KHDRBS2: variants seen among roughly 807,000 people sequenced by gnomAD.
KHDRBS2 encodes the protein KH RNA binding domain containing, signal transduction associated 2, also known as KH domain-containing, RNA-binding, signal transduction-associated protein 2.
Under a neutral mutation model 44.3 loss-of-function variants are expected in KHDRBS2, and 26 were observed. The observed-to-expected ratio is 0.59, with a 90% CI of 0.43 to 0.81. KHDRBS2 has a LOEUF of 0.81. KHDRBS2 is among the 40% of genes least tolerant of loss of function. The pLI, the probability that KHDRBS2 is intolerant of heterozygous loss-of-function variation, is 0.00. For missense variants in KHDRBS2, 476 were observed against 433.1 expected, an observed-to-expected ratio of 1.10 and a Z score of -0.88; for synonymous variants, 194 against 151.1, an observed-to-expected ratio of 1.28 and a Z score of -2.08.
intron 1 of KHDRBS2, among the ~76,000 whole-genome samples, chr6:62,225,393 C>T (rs1831597674): frequency 6.6e-6 from 1 of 152,126 alleles, no homozygotes; most frequent in African/African-American, 2.4e-5. Context: ...TGGACTTAAT[C>T]TATTAATCAG....
chr6:61,850,750 T>C (rs939143055), intron 6 of KHDRBS2, among the ~76,000 whole-genome samples: 2 of 152,072 alleles, frequency 1.3e-5, no homozygotes, highest in Admixed American at 1.3e-4. Context: ...GAGATAACTG[T>C]TGAGGGGAGG....
At chr6:62,047,711 A>AT (rs1284179892) in intron 3 of KHDRBS2, among the ~76,000 whole-genome samples, 167 bp downstream of exon 3, 3 of 151,842 alleles carry the variant, frequency 2.0e-5, no homozygotes, top group African/African-American at 7.2e-5. Flanking sequence ...CCAATAATTG[A>AT]TTTTTAGGAA....
the KHDRBS2 span, among the ~76,000 whole-genome samples, chr6:61,609,977 A>G: frequency 1.3e-5 from 2 of 152,044 alleles, no homozygotes; most frequent in African/African-American, 4.8e-5. Context: ...ATAGATACCA[A>G]CCTGGCTAAC....
chr6:62,275,727 T>C (rs1027114340), intron 1 of KHDRBS2, among the ~76,000 whole-genome samples: 3 of 152,158 alleles, frequency 2.0e-5, no homozygotes, highest in Non-Finnish European at 4.4e-5. Flanking sequence ...TTCTTTAATA[T>C]TGTTTGATGT....
intron 6 of KHDRBS2, among the ~76,000 whole-genome samples, chr6:61,733,691 T>C (rs1044506870): frequency 4.1e-4 from 63 of 152,094 alleles, no homozygotes; most frequent in Non-Finnish European, 5.3e-4. Flanking sequence ...ATTACTCGAG[T>C]AAATTACACT....
chr6:61,542,994 C>T, the KHDRBS2 span, among the ~76,000 whole-genome samples: 2 of 151,938 alleles, frequency 1.3e-5, no homozygotes, highest in South Asian at 4.1e-4. Flanking sequence ...ATAAAGACCT[C>T]AAGGCTATGA....
chr6:62,066,650 C>T (rs1330926019), intron 2 of KHDRBS2, among the ~76,000 whole-genome samples: 1 of 151,502 alleles, frequency 6.6e-6, no homozygotes, highest in Non-Finnish European at 1.5e-5. Flanking sequence ...AATATATATG[C>T]TTATGTTTGA....
At chr6:62,068,696 C>A (rs778382647) in intron 2 of KHDRBS2, among the ~76,000 whole-genome samples, 1 of 151,552 alleles carries the variant, frequency 6.6e-6, no homozygotes, top group East Asian at 2.0e-4. Context: ...AGTGCTCCAA[C>A]TTCATTGCTT....
intron 6 of KHDRBS2, among the ~76,000 whole-genome samples, chr6:61,851,618 CA>C (rs1795432007): frequency 6.6e-6 from 1 of 151,990 alleles, no homozygotes; most frequent in Non-Finnish European, 1.5e-5. Context: ...AGCTACAAGT[CA>C]AAGAAAAAGG....
At chr6:61,681,346 A>C (rs1473451130) in intron 8 of KHDRBS2, among the ~76,000 whole-genome samples, 1 of 151,878 alleles carries the variant, frequency 6.6e-6, no homozygotes, top group Non-Finnish European at 1.5e-5. Context: ...AAAATAAATA[A>C]ATAAATTGGA....
intron 4 of KHDRBS2, among the ~76,000 whole-genome samples, chr6:61,906,169 A>G (rs553186520): frequency 3.3e-5 from 5 of 152,084 alleles, no homozygotes; most frequent in African/African-American, 4.8e-5. Flanking sequence ...AAAACGTCCA[A>G]ATCTAGGGAT....
chr6:62,060,562 G>C (rs566344310), intron 2 of KHDRBS2, among the ~76,000 whole-genome samples: 2 of 150,220 alleles, frequency 1.3e-5, no homozygotes, highest in South Asian at 4.2e-4. Context: ...CTCATAATTT[G>C]TATAACATTA....
At chr6:61,778,859 G>A (rs1232226194) in intron 6 of KHDRBS2, among the ~76,000 whole-genome samples, 6 of 152,150 alleles carry the variant, frequency 3.9e-5, no homozygotes, top group African/African-American at 7.2e-5. Context: ...GATTTCAGAC[G>A]CTTAGCAATT....
chr6:61,800,906 T>C (rs1220946774), intron 6 of KHDRBS2, among the ~76,000 whole-genome samples: 1 of 152,252 alleles, frequency 6.6e-6, no homozygotes, highest in East Asian at 1.9e-4. Flanking sequence ...ACTGCTTTCA[T>C]GGGTATCTAA....
chr6:61,549,713 A>C, the KHDRBS2 span, among the ~76,000 whole-genome samples: 1 of 152,168 alleles, frequency 6.6e-6, no homozygotes, highest in Non-Finnish European at 1.5e-5. Flanking sequence ...TTGATTTTAC[A>C]CCAAAACTTG....
the KHDRBS2 span, among the ~76,000 whole-genome samples, chr6:61,575,224 G>A: frequency 1.3e-5 from 2 of 152,114 alleles, no homozygotes; most frequent in Non-Finnish European, 1.5e-5. Flanking sequence ...TCTGATAAAA[G>A]ACTAATGTCC....
At chr6:62,001,462 A>C (rs1440889030) in intron 3 of KHDRBS2, among the ~76,000 whole-genome samples, 1 of 151,982 alleles carries the variant, frequency 6.6e-6, no homozygotes, top group African/African-American at 2.4e-5. Context: ...AAAATGAAAA[A>C]TATTTTTCAA....
At chr6:61,939,244 C>T (rs1405391065) in intron 4 of KHDRBS2, among the ~76,000 whole-genome samples, 2 of 113,620 alleles carry the variant, frequency 1.8e-5, no homozygotes, top group African/African-American at 6.5e-5. Flanking sequence ...ACATGCTTAA[C>T]ATAGTTATGT....
In KHDRBS2 at chr6:61,849,791, G is replaced by C. The variant is rs558926446; in HGVS notation, c.810+44844C>G. ...CTCTTAAGATCCCCTTGTGGTTCAAGGTTTATTAGAACTAATCTTAACCTT... is the reference window on the plus strand; with the variant it reads ...CTCTTAAGATCCCCTTGTGGTTCAACGTTTATTAGAACTAATCTTAACCTT... On this transcript the variant is annotated intron_variant, in intron 6 of 8. Coordinates refer to ENST00000281156, the MANE Select transcript of KHDRBS2 (RefSeq NM_152688.4). 3.9e-4 allele frequency among the ~76,000 whole-genome samples: 59 copies of C among 152,090 alleles called. 1 individual carries two copies. Among genetic ancestry groups the C allele is most frequent in the South Asian group, 1.7e-3 (8 of 4,820 alleles).
Sources: gnomAD v4.1 joint callset for allele counts (sites outside exome capture counted in the v4.1 genomes callset) on GRCh38, gnomAD v4.1.1 for gene constraint, MANE v1.5 for transcripts, NCBI Gene and HGNC (gene_info 2026-07-23, HGNC 2026-07-21) for gene names.